Variants in GOLGA1 observed in about 807,000 individuals in gnomAD.
GOLGA1 encodes the protein golgin A1.
GOLGA1 carries 63 observed loss-of-function variants against 119.7 expected under a neutral mutation model. The observed-to-expected ratio is 0.53, with a 90% CI of 0.43 to 0.65. The LOEUF (loss-of-function observed/expected upper bound fraction) is 0.65. GOLGA1 is among the 30% of genes least tolerant of loss of function. The probability of loss-of-function intolerance (pLI) is 0.00; values close to 1 mark genes in which losing one functional copy is unlikely to be tolerated. For synonymous variants in GOLGA1, 318 were observed against 333.4 expected (o/e 0.95, Z 0.50); for missense variants, 798 against 912.8 (o/e 0.87, Z 1.62).
intron 10 of GOLGA1, among the ~76,000 whole-genome samples, chr9:124,920,705 G>C (rs1830549014): frequency 1.3e-5 from 2 of 152,064 alleles, no homozygotes; most frequent in African/African-American, 4.8e-5. Context: ...GGAGGCCGAG[G>C]TTGGTGGATC....
intron 2 of GOLGA1, among the ~76,000 whole-genome samples, chr9:124,939,502 G>A (rs1422229096): frequency 2.1e-5 from 3 of 141,238 alleles, no homozygotes; most frequent in Non-Finnish European, 4.6e-5. Context: ...ACGCTGTGTG[G>A]TTTTGAGTTT....
At position 124,929,223 on chromosome 9, in the gene GOLGA1, G is replaced by T. The variant is rs527556722; in HGVS notation, c.294C>A (p.His98Gln). 24 of 1,586,812 alleles carry T rather than the reference G, an allele frequency of 1.5e-5. No individual in the cohort carries two copies. The South Asian group carries it at 2.2e-4, about 15-fold the overall frequency. The change falls in exon 5 of 23, where the codon CAC becomes CAA. Residue 98 changes from histidine (H) to glutamine (Q), a missense_variant. By Grantham distance (24) the His-to-Gln change is conservative. Coordinates refer to ENST00000373555, the MANE Select transcript of GOLGA1 (RefSeq NM_002077.4). ...KEKLEIALEKHQDSSMRKFQE... is the reference protein window; with the variant it reads ...KEKLEIALEKQQDSSMRKFQE... ...CAGGAAAAAAATACGTACAATCCTG[G>T]TGTTTTTCTAATGCAATTTCAAGCT... is the stretch of plus-strand genomic sequence containing the variant.
intron 10 of GOLGA1, among the ~76,000 whole-genome samples, chr9:124,916,871 G>GACACAC (rs1169720795): frequency 3.2e-5 from 2 of 62,582 alleles, no homozygotes; most frequent in East Asian, 6.1e-4. Context: ...GTGAGACCCT[G>GACACAC]ACACACAAAA....
In GOLGA1 at chr9:124,880,584, AGCT is replaced by A; in HGVS notation, c.2247_2249del (p.Ala750del). On this transcript the variant is annotated inframe_deletion, in exon 23 of 23. Transcript: ENST00000373555. ...TAGACGGCCGGATGCTGCCCTTGGG[AGCT>A]GGTTTGGACCCAAACCATGACATCT... 5 of 1,610,938 alleles carry A rather than the reference AGCT, an allele frequency of 3.1e-6. No homozygotes were observed. The highest frequency in any genetic ancestry group is 4.2e-6 in the Non-Finnish European group (5 of 1,177,302).
chr9:124,932,102 C>T (rs764038927), intron 3 of GOLGA1, among the ~76,000 whole-genome samples: 28 of 152,130 alleles, frequency 1.8e-4, no homozygotes, highest in Non-Finnish European at 3.4e-4. Flanking sequence ...TAATGCTCTC[C>T]ATCTACTTTC....
At chr9:124,940,571 T>C (rs1830988306) in intron 1 of GOLGA1, among the ~76,000 whole-genome samples, 1 of 152,152 alleles carries the variant, frequency 6.6e-6, no homozygotes, top group African/African-American at 2.4e-5. Flanking sequence ...CAAGGCAAAA[T>C]TGGGTAAAGA....
chr9:124,908,887 G>A (rs574898392), intron 11 of GOLGA1, among the ~76,000 whole-genome samples: 1 of 152,360 alleles, frequency 6.6e-6, no homozygotes, highest in African/African-American at 2.4e-5. Flanking sequence ...CTCCTCAGAA[G>A]CCAAAATGAT....
At chr9:124,925,517 A>T (rs1197483345) in intron 7 of GOLGA1, among the ~76,000 whole-genome samples, 3 of 151,832 alleles carry the variant, frequency 2.0e-5, no homozygotes, top group Non-Finnish European at 4.4e-5. Context: ...GGAGTTCAAA[A>T]CCAGCCTGGG....
At chr9:124,906,412 C>CA (rs1257899697) in intron 12 of GOLGA1, among the ~76,000 whole-genome samples, 1 of 150,756 alleles carries the variant, frequency 6.6e-6, no homozygotes. Context: ...GCCTGGGCGA[C>CA]AGAGTGAGAC....
chr9:124,885,636 A>T (rs1434872147), intron 19 of GOLGA1, among the ~76,000 whole-genome samples: 1 of 152,110 alleles, frequency 6.6e-6, no homozygotes, highest in Non-Finnish European at 1.5e-5. Flanking sequence ...ATGACCAGGG[A>T]AAGGCACTTC....
intron 15 of GOLGA1, among the ~76,000 whole-genome samples, chr9:124,895,264 A>G (rs1185450407): frequency 1.3e-5 from 2 of 149,342 alleles, no homozygotes; most frequent in African/African-American, 5.0e-5. Flanking sequence ...CATAACAGAG[A>G]ACCATCCACA....
intron 6 of GOLGA1, 131 bp downstream of exon 6, chr9:124,928,057 C>T: frequency 1.9e-6 from 1 of 513,920 alleles, no homozygotes; most frequent in Non-Finnish European, 3.5e-6. Context: ...CAAAGAAAAC[C>T]TTAACGAACT....
intron 7 of GOLGA1, among the ~76,000 whole-genome samples, chr9:124,924,184 C>T (rs1830626031): frequency 6.6e-6 from 1 of 152,046 alleles, no homozygotes; most frequent in South Asian, 2.1e-4. Flanking sequence ...CTTAGTGACA[C>T]ACTGAACTGG....
intron 12 of GOLGA1, among the ~76,000 whole-genome samples, chr9:124,901,250 C>T (rs534025842): frequency 6.7e-6 from 1 of 149,264 alleles, no homozygotes; most frequent in African/African-American, 2.5e-5. Flanking sequence ...GGGCTACAGG[C>T]GTGAGCCACC....
upstream of GOLGA1, chr9:124,944,531 C>A (rs1831112380): frequency 7.2e-6 from 1 of 138,790 alleles, no homozygotes. Context: ...ATTGCCCAGA[C>A]TGGTCTCCAA....
At position 124,903,563 on chromosome 9, in the gene GOLGA1, AC is replaced by A. The variant is rs565023172; in HGVS notation, c.1066-3017del. Reference sequence around the variant, plus strand: ...GCCTGCAAGCCAAGCACTTAGGGAAACAAAGGTATAGCTTGAGCCCAGGAAT... The same window carrying A: ...GCCTGCAAGCCAAGCACTTAGGGAAAAAAGGTATAGCTTGAGCCCAGGAAT... On this transcript the variant is annotated intron_variant, in intron 12 of 22. Transcript: ENST00000373555. 4.6e-3 allele frequency among the ~76,000 whole-genome samples: 697 copies of A among 151,662 alleles called. 1 individual carries two copies. Among genetic ancestry groups the A allele is most frequent in the Middle Eastern group, 0.031 (9 of 292 alleles).
chr9:124,899,534 T>C (rs1830055168), intron 13 of GOLGA1, 56 bp from the exon 14 acceptor site: 3 of 1,495,670 alleles, frequency 2.0e-6, no homozygotes, highest in African/African-American at 1.4e-5. Context: ...CAGTGGGGGA[T>C]CTTAGTCTGG....
chr9:124,920,363 T>C (rs1386035649), intron 10 of GOLGA1, among the ~76,000 whole-genome samples: 2 of 151,384 alleles, frequency 1.3e-5, no homozygotes, highest in African/African-American at 2.4e-5. Flanking sequence ...CCTACCAAAG[T>C]GCTAGGACTA....
At chr9:124,930,662 C>A (rs1279237847) in intron 4 of GOLGA1, among the ~76,000 whole-genome samples, 2 of 152,214 alleles carry the variant, frequency 1.3e-5, no homozygotes, top group African/African-American at 4.8e-5. Flanking sequence ...AAAAGAGACA[C>A]AGAAGCCATG....
Sources: allele counts gnomAD v4.1 joint callset (sites outside exome capture counted in the v4.1 genomes callset), GRCh38; gene constraint gnomAD v4.1.1; transcripts MANE v1.5; gene names NCBI Gene and HGNC (gene_info 2026-07-23, HGNC 2026-07-21).